The following NRBP1 variants were observed in gnomAD, a reference collection of about 807,000 sequenced individuals.
The protein encoded by NRBP1 is nuclear receptor-binding protein.
NRBP1 carries 10 observed loss-of-function variants against 76.0 expected under a neutral mutation model. That is an observed-to-expected ratio of 0.13 (90% CI 0.08 to 0.22). NRBP1 has a LOEUF of 0.22. Among genes scored for constraint, NRBP1 ranks in the 10% least tolerant of loss-of-function variants. NRBP1 has a pLI of 1.00. For missense variants in NRBP1, 344 were observed against 646.0 expected, an observed-to-expected ratio of 0.53 and a Z score of 5.07; for synonymous variants, 235 against 240.2, an observed-to-expected ratio of 0.98 and a Z score of 0.20.
At chr2:27,433,885 G>C in intron 3 of NRBP1, 90 bp downstream of exon 3, 1 of 1,605,178 alleles carries the variant, frequency 6.2e-7, no homozygotes, top group Non-Finnish European at 8.5e-7. Context: ...CGTGAGGAGA[G>C]TATGTTGGGG....
rs1664256404 is a variant in NRBP1, at chr2:27,435,162, T to C, written c.596T>C (p.Ile199Thr). The C allele has an allele frequency of 6.2e-7, 1 of 1,613,836 alleles. No individual in the cohort carries two copies. Among genetic ancestry groups the C allele is most frequent in the African/African-American group, 1.3e-5 (1 of 74,844 alleles). ...SYLHSCDPPI[I>T]HGNLTCDTIF... ...CTGCACTCCTGTGACCCCCCCATCA[T>C]CCATGGGAACCTGACCTGTGACACC... The change falls in exon 7 of 18, where the codon ATC becomes ACC. Residue 199 changes from isoleucine (I) to threonine (T), a missense_variant. Coordinates refer to ENST00000379852, the MANE Select transcript of NRBP1 (RefSeq NM_013392.4).
Position 27,442,068 on chromosome 2 carries a change from C to CT in NRBP1, c.*257dup. 1.9e-6 allele frequency: 1 copy of CT among 535,740 alleles called. No individual in the cohort carries two copies. The highest frequency in any genetic ancestry group is 3.1e-5 in the East Asian group (1 of 32,328). 33.2% of individuals were successfully genotyped at this position (535,740 alleles called of 1,614,324 possible). Reference sequence around the variant, plus strand: ...TCAGCAGCCGCCTTCTAGTTGGGGGCTAGTCGCTGATCTGCCGGCTCCCGC... The same window carrying CT: ...TCAGCAGCCGCCTTCTAGTTGGGGGCTTAGTCGCTGATCTGCCGGCTCCCGC... On this transcript the variant is annotated 3_prime_UTR_variant, in exon 18 of 18. Transcript: ENST00000379852.
At chr2:27,434,689 T>C (rs755912298) in intron 5 of NRBP1, 33 bp from the exon 6 acceptor site, 2 of 1,613,376 alleles carry the variant, frequency 1.2e-6, no homozygotes, top group Non-Finnish European at 1.7e-6. Flanking sequence ...GAGAGGGAAT[T>C]ACTGCTGACC....
rs1663963170 is a variant in NRBP1, at chr2:27,428,665, C to T, written c.-87C>T. On this transcript the variant is annotated 5_prime_UTR_variant, in exon 1 of 18. Coordinates refer to ENST00000379852, the MANE Select transcript of NRBP1 (RefSeq NM_013392.4). Reference sequence around the variant, plus strand: ...GCGGAGCGCAGCTGTGAGGGAGTCGCTGTGATCCGGGGCCCCGGAACCCGA... The same window carrying T: ...GCGGAGCGCAGCTGTGAGGGAGTCGTTGTGATCCGGGGCCCCGGAACCCGA... 2.5e-6 allele frequency: 1 copy of T among 398,130 alleles called. No homozygotes were observed. The highest frequency in any genetic ancestry group is 4.4e-6 in the Non-Finnish European group (1 of 225,712). The allele number at this position is 398,130 out of a possible 1,614,324, so 24.7% of individuals were successfully genotyped here.
In NRBP1 at chr2:27,439,833, A is replaced by G; in HGVS notation, c.971A>G (p.His324Arg). The part of the protein sequence containing the change: ...RRPTARELLF[H>R]PALFEVPSLK... ...CCAACAGCCAGAGAACTTCTGTTCC[A>G]CCCAGCATTGTTTGAAGTGCCCTCG... The change falls in exon 11 of 18, where the codon CAC becomes CGC. Residue 324 changes from histidine (H) to arginine (R), a missense_variant. His to Arg is a conservative substitution (Grantham distance 29). This residue lies in a region of NRBP1 where 218 missense variants were observed against 309.8 expected (regional missense o/e 0.70). Coordinates refer to ENST00000379852, the MANE Select transcript of NRBP1 (RefSeq NM_013392.4). 1.2e-6 allele frequency: 2 copies of G among 1,614,032 alleles called. No homozygotes were observed. Among genetic ancestry groups the G allele is most frequent in the Non-Finnish European group, 1.7e-6 (2 of 1,179,992 alleles).
In NRBP1 at chr2:27,437,244, T is replaced by A. The variant is rs1558337259; in HGVS notation, c.805-18T>A. 1.9e-6 allele frequency: 3 copies of A among 1,604,816 alleles called. No homozygotes were observed. The highest frequency in any genetic ancestry group is 1.7e-6 in the Non-Finnish European group (2 of 1,172,518). On this transcript the variant is annotated intron_variant, in intron 9 of 17. Transcript: ENST00000379852. ...GTTCTTAGGTGTCTACTTTTTTTTT[T>A]ATTCTTCCTCACTGAAGATGGCAGT...
chr2:27,441,719 C>T lies in NRBP1; in HGVS notation c.1515C>T (p.Ser505=). Residue 505 remains serine (S), a synonymous_variant, in exon 18 of 18, where the codon AGC becomes AGT. Transcript: ENST00000379852. ...QLGFISEADQ[S]RLTSLLEETL... The stretch of plus-strand genomic sequence containing the variant: ...CTCTTCTCCCCCAGGCTGACCAGAG[C>T]CGGTTGACTTCTCTGCTAGAAGAGA... The T allele has an allele frequency of 6.2e-7, 1 of 1,613,740 alleles. No individual in the cohort carries two copies. Among genetic ancestry groups the T allele is most frequent in the South Asian group, 1.1e-5 (1 of 91,070 alleles).
Position 27,437,959 on chromosome 2 carries a change from G to A in NRBP1, c.903+599G>A, listed in dbSNP as rs183657135. Reference sequence around the variant, plus strand: ...CCCAGCACTTTGAGAGGCTGAGGCGGGTGGATCACTTGAGGTCAGGAGTTT... The same window carrying A: ...CCCAGCACTTTGAGAGGCTGAGGCGAGTGGATCACTTGAGGTCAGGAGTTT... On this transcript the variant is annotated intron_variant, in intron 10 of 17. Coordinates refer to ENST00000379852, the MANE Select transcript of NRBP1 (RefSeq NM_013392.4). 4.8e-3 allele frequency among the ~76,000 whole-genome samples: 728 copies of A among 152,086 alleles called. 7 individuals carry two copies. Among genetic ancestry groups the A allele is most frequent in the African/African-American group, 0.017 (689 of 41,474 alleles).
intron 1 of NRBP1, 72 bp downstream of exon 1, chr2:27,428,803 C>T: frequency 2.5e-6 from 1 of 398,040 alleles, no homozygotes; most frequent in Non-Finnish European, 4.4e-6. Flanking sequence ...GCCTCCGAGG[C>T]CCGGGACGGT....
chr2:27,437,009 A>G (rs377131319), intron 8 of NRBP1, 38 bp from the exon 9 acceptor site: 4 of 1,597,102 alleles, frequency 2.5e-6, no homozygotes, highest in African/African-American at 1.3e-5. Context: ...CTAGCCCCCA[A>G]TCCTCTGATT....
In NRBP1 at chr2:27,441,822, G is replaced by A. The variant is rs760680335; in HGVS notation, c.*10G>A. On this transcript the variant is annotated 3_prime_UTR_variant, in exon 18 of 18. Coordinates refer to ENST00000379852, the MANE Select transcript of NRBP1 (RefSeq NM_013392.4). ...CACCGTCTCCTCTTAGAGCTCACTC[G>A]GGCCAGGCCCTGATCTGCGCTGTGG... 10 of 1,575,892 alleles carry A rather than the reference G, an allele frequency of 6.3e-6. 1 individual carries two copies. The highest frequency in any genetic ancestry group is 4.5e-5 in the East Asian group (2 of 44,696).
intron 1 of NRBP1, 53 bp from the exon 2 acceptor site, chr2:27,433,201 T>A (rs1664170217): frequency 7.7e-7 from 1 of 1,291,144 alleles, no homozygotes; most frequent in Non-Finnish European, 1.1e-6. Context: ...TCTTTACAGA[T>A]GTATCCTGAC....
Position 27,440,695 on chromosome 2 carries a change from G to T in NRBP1, c.1186G>T (p.Asp396Tyr). ...PALELDKFLE[D>Y]VRNGIYPLTA... ...TCTGGAATTAGATAAATTCCTTGAA[G>T]ATGTCAGGTGAGAGCAGAGTGAGAA... Residue 396 changes from aspartate (D) to tyrosine (Y), a missense_variant, in exon 13 of 18, where the codon GAT becomes TAT. By Grantham distance (160) the Asp-to-Tyr change is radical. This residue lies in a region of NRBP1 where 218 missense variants were observed against 309.8 expected (regional missense o/e 0.70). Coordinates refer to ENST00000379852, the MANE Select transcript of NRBP1 (RefSeq NM_013392.4). 6.2e-7 allele frequency: 1 copy of T among 1,614,226 alleles called. No individual in the cohort carries two copies. Among genetic ancestry groups the T allele is most frequent in the Non-Finnish European group, 8.5e-7 (1 of 1,180,046 alleles).
At chr2:27,430,618 C>T (rs1348272988) in intron 1 of NRBP1, among the ~76,000 whole-genome samples, 9 of 151,974 alleles carry the variant, frequency 5.9e-5, no homozygotes, top group South Asian at 2.1e-4. Flanking sequence ...TATAGACGTG[C>T]GCCACCACAC....
chr2:27,434,687 A>G (rs1664239568), intron 5 of NRBP1, 35 bp from the exon 6 acceptor site: 1 of 1,613,464 alleles, frequency 6.2e-7, no homozygotes, highest in Admixed American at 1.7e-5. Context: ...AAGAGAGGGA[A>G]TTACTGCTGA....
Position 27,441,254 on chromosome 2 carries a change from TC to T in NRBP1, c.1384-11del, listed in dbSNP as rs1558340878. On this transcript the variant is annotated splice_polypyrimidine_tract_variant and intron_variant, in intron 15 of 17. Transcript: ENST00000379852. ...GAAGAAAAGTCTCATTTTCTGACTG[TC>T]CTATTCTCCAGCTGACACTTCTGCT... is the stretch of plus-strand genomic sequence containing the variant. 6.2e-7 allele frequency: 1 copy of T among 1,614,062 alleles called. No homozygotes were observed.
intron 2 of NRBP1, 42 bp from the exon 3 acceptor site, chr2:27,433,631 G>A: frequency 3.7e-6 from 6 of 1,612,944 alleles, no homozygotes; most frequent in Non-Finnish European, 5.1e-6. Flanking sequence ...TGGAGGATTT[G>A]TGAGATAAGT....
chr2:27,441,552 C>G lies in NRBP1; in HGVS notation c.1448-15C>G. ...AGTCCCGTACTGTACTCACCCCCTC[C>G]TGTTTCTTTGTCAGATGAGAATATC... On this transcript the variant is annotated splice_polypyrimidine_tract_variant and intron_variant, in intron 16 of 17. Transcript: ENST00000379852. 1 of 1,614,084 alleles carries G rather than the reference C, an allele frequency of 6.2e-7. No individual in the cohort carries two copies. The highest frequency in any genetic ancestry group is 8.5e-7 in the Non-Finnish European group (1 of 1,179,962).
At chr2:27,436,696 A>T in intron 7 of NRBP1, 57 bp from the exon 8 acceptor site, 1 of 1,497,604 alleles carries the variant, frequency 6.7e-7, no homozygotes, top group East Asian at 2.3e-5. Context: ...CTCTCTCTGG[A>T]GTGAGACTAT....
Sources: allele counts gnomAD v4.1 joint callset (sites outside exome capture counted in the v4.1 genomes callset), GRCh38; gene constraint gnomAD v4.1.1; regional missense constraint gnomAD v4.1.1; transcripts MANE v1.5; gene names NCBI Gene and HGNC (gene_info 2026-07-23, HGNC 2026-07-21).